The following NLGN1 variants were observed in gnomAD, a reference collection of about 807,000 sequenced individuals.
The protein encoded by NLGN1 is neuroligin-1.
A neutral mutation model predicts 65.5 loss-of-function variants in NLGN1; 12 were observed. That is an observed-to-expected ratio of 0.18 (90% confidence interval 0.12 to 0.30). The LOEUF (loss-of-function observed/expected upper bound fraction) is 0.30. Ranked by LOEUF, NLGN1 falls within the 10% of genes least tolerant of loss-of-function variation. The pLI is 1.00. For missense variants in NLGN1, 750 were observed against 1,007.1 expected (o/e 0.74, Z 3.46); for synonymous variants, 350 against 359.5 (o/e 0.97, Z 0.30).
chr3:173,567,653 T>C (rs574542742), intron 2 of NLGN1, among the ~76,000 whole-genome samples: 1 of 151,826 alleles, frequency 6.6e-6, no homozygotes, highest in South Asian at 2.1e-4. Context: ...TATTAGCATA[T>C]TTTACCTAAA....
intron 3 of NLGN1, among the ~76,000 whole-genome samples, chr3:173,648,424 C>T (rs1271582108): frequency 6.6e-6 from 1 of 152,050 alleles, no homozygotes; most frequent in Non-Finnish European, 1.5e-5. Context: ...AAATGAGATA[C>T]CACTTTACAT....
At chr3:173,818,273 TAAAC>T (rs1363978195) in intron 4 of NLGN1, among the ~76,000 whole-genome samples, 4 of 152,126 alleles carry the variant, frequency 2.6e-5, no homozygotes, top group Admixed American at 6.5e-5. Flanking sequence ...ATTAAACAAA[TAAAC>T]AAAACATTAA....
chr3:174,116,646 A>C (rs1399307747), intron 4 of NLGN1, among the ~76,000 whole-genome samples: 1 of 152,056 alleles, frequency 6.6e-6, no homozygotes, highest in Admixed American at 6.6e-5. Flanking sequence ...CCAACATGTA[A>C]GATTTTTAGA....
intron 4 of NLGN1, among the ~76,000 whole-genome samples, chr3:173,974,168 G>T (rs1054430393): frequency 1.3e-5 from 2 of 151,698 alleles, no homozygotes; most frequent in Non-Finnish European, 2.9e-5. Flanking sequence ...GATTAAGAAG[G>T]GCTGAAAGAT....
intron 4 of NLGN1, among the ~76,000 whole-genome samples, chr3:174,103,803 TATAA>T (rs1280385157): frequency 6.6e-6 from 1 of 152,130 alleles, no homozygotes; most frequent in African/African-American, 2.4e-5. Flanking sequence ...GTTAAATTTC[TATAA>T]ATAGAGTCTA....
At chr3:173,678,588 TA>T (rs1337229181) in intron 3 of NLGN1, among the ~76,000 whole-genome samples, 1 of 152,008 alleles carries the variant, frequency 6.6e-6, no homozygotes, top group Non-Finnish European at 1.5e-5. Context: ...AATGGTTCGT[TA>T]TGGCTATAGC....
At chr3:173,656,375 G>C (rs985763484) in intron 3 of NLGN1, among the ~76,000 whole-genome samples, 2 of 152,042 alleles carry the variant, frequency 1.3e-5, no homozygotes, top group African/African-American at 4.8e-5. Context: ...AGCATCCATT[G>C]GGTGGTTCCT....
chr3:173,811,566 CAA>C (rs768913259), intron 4 of NLGN1, among the ~76,000 whole-genome samples: 12 of 46,422 alleles, frequency 2.6e-4, no homozygotes, highest in East Asian at 1.7e-3. Context: ...AACTCCGTCT[CAA>C]AAAAAAAAAA....
intron 3 of NLGN1, among the ~76,000 whole-genome samples, chr3:173,773,173 C>T (rs981526941): frequency 1.3e-5 from 2 of 152,158 alleles, no homozygotes; most frequent in Non-Finnish European, 2.9e-5. Flanking sequence ...GCTCAAAGAG[C>T]TTCAAGTCAC....
intron 4 of NLGN1, among the ~76,000 whole-genome samples, chr3:173,876,357 AT>A (rs1314405089): frequency 3.9e-5 from 6 of 152,302 alleles, no homozygotes; most frequent in African/African-American, 1.4e-4. Flanking sequence ...TACTTTAAAA[AT>A]TTAGCAAGAT....
intron 2 of NLGN1, among the ~76,000 whole-genome samples, chr3:173,570,595 TGGGTGCTGG>T (rs1236192574): frequency 3.9e-4 from 59 of 152,272 alleles, no homozygotes; most frequent in African/African-American, 1.3e-3. Context: ...CTCCCCCCAA[TGGGTGCTGG>T]TGGGGATGGG....
intron 1 of NLGN1, among the ~76,000 whole-genome samples, chr3:173,408,380 T>A (rs984764288): frequency 1.3e-5 from 2 of 152,162 alleles, no homozygotes; most frequent in African/African-American, 4.8e-5. Flanking sequence ...TTTAACATTT[T>A]TAAGGTCTGA....
chr3:173,426,959 ACTTT>A (rs2148721301), intron 1 of NLGN1, among the ~76,000 whole-genome samples: 1 of 152,094 alleles, frequency 6.6e-6, no homozygotes, highest in African/African-American at 2.4e-5. Context: ...CTGGTTACGG[ACTTT>A]CTTTGTGGAG....
chr3:173,840,952 C>A (rs1392038952), intron 4 of NLGN1, among the ~76,000 whole-genome samples: 1 of 152,166 alleles, frequency 6.6e-6, no homozygotes, highest in Non-Finnish European at 1.5e-5. Context: ...TGTACAACCT[C>A]ATTTCTTCCA....
At chr3:173,520,874 C>T (rs1471377025) in intron 2 of NLGN1, among the ~76,000 whole-genome samples, 3 of 152,128 alleles carry the variant, frequency 2.0e-5, no homozygotes, top group Admixed American at 6.6e-5. Context: ...TGAAAAGAAA[C>T]TTAGGACTAA....
chr3:174,168,354 T>G (rs1727915328), intron 4 of NLGN1, among the ~76,000 whole-genome samples: 1 of 152,182 alleles, frequency 6.6e-6, no homozygotes, highest in South Asian at 2.1e-4. Context: ...TTCTAATTTT[T>G]GTAATTATTT....
At chr3:173,966,409 T>C (rs1714878520) in intron 4 of NLGN1, among the ~76,000 whole-genome samples, 2 of 152,238 alleles carry the variant, frequency 1.3e-5, no homozygotes, top group Admixed American at 1.3e-4. Flanking sequence ...GGGGCTAGCA[T>C]TAGAAACATG....
chr3:173,785,080 A>T (rs145953878), intron 3 of NLGN1, among the ~76,000 whole-genome samples: 2 of 152,322 alleles, frequency 1.3e-5, no homozygotes, highest in East Asian at 3.9e-4. Context: ...ACAGACATAG[A>T]TACCCATAGT....
At chr3:173,919,956 T>A (rs1443369872) in intron 4 of NLGN1, among the ~76,000 whole-genome samples, 2 of 152,086 alleles carry the variant, frequency 1.3e-5, no homozygotes, top group African/African-American at 4.8e-5. Flanking sequence ...GTACTTAATT[T>A]AATCAAAGGA....
Sources: gnomAD v4.1 joint callset for allele counts (sites outside exome capture counted in the v4.1 genomes callset) on GRCh38, gnomAD v4.1.1 for gene constraint, MANE v1.5 for transcripts, NCBI Gene and HGNC (gene_info 2026-07-23, HGNC 2026-07-21) for gene names.